Variants in TNFSF4 observed in about 807,000 individuals in gnomAD.
The protein encoded by TNFSF4 is tumor necrosis factor ligand superfamily member 4.
A neutral mutation model predicts 7.3 loss-of-function variants in TNFSF4; 4 were observed. The ratio of observed to expected loss-of-function variants is 0.55; its 90% CI spans 0.27 to 1.25. The LOEUF is 1.25. Ranked by LOEUF, TNFSF4 falls within the 50% of genes most tolerant of loss-of-function variation. The probability of loss-of-function intolerance (pLI) is 0.12; values close to 1 mark genes in which losing one functional copy is unlikely to be tolerated. For synonymous variants in TNFSF4, 76 were observed against 83.7 expected, an observed-to-expected ratio of 0.91 and a Z score of 0.50; for missense variants, 181 against 208.8, an observed-to-expected ratio of 0.87 and a Z score of 0.82.
chr1:173,189,556 G>A (rs1649385141), intron 1 of TNFSF4, among the ~76,000 whole-genome samples: 2 of 152,070 alleles, frequency 1.3e-5, no homozygotes, highest in African/African-American at 4.8e-5. Context: ...GTGAAGACAG[G>A]AAACCTGATA....
chr1:173,394,852 G>A, the TNFSF4 span, among the ~76,000 whole-genome samples: 1 of 151,902 alleles, frequency 6.6e-6, no homozygotes, highest in African/African-American at 2.4e-5. Flanking sequence ...CAGATCATGG[G>A]ACTACTCACC....
At chr1:173,324,122 G>T in the TNFSF4 span, among the ~76,000 whole-genome samples, 1 of 152,140 alleles carries the variant, frequency 6.6e-6, no homozygotes, top group Non-Finnish European at 1.5e-5. Context: ...GAAAGGTCGG[G>T]TTACTCACAA....
At chr1:173,266,499 T>G in the TNFSF4 span, among the ~76,000 whole-genome samples, 1 of 152,130 alleles carries the variant, frequency 6.6e-6, no homozygotes, top group African/African-American at 2.4e-5. Flanking sequence ...ACGTACTCTA[T>G]TGTCACTATT....
downstream of TNFSF4, chr1:173,183,648 C>G (rs967728140): frequency 6.6e-6 from 1 of 152,222 alleles, no homozygotes; most frequent in African/African-American, 2.4e-5. Context: ...GGAAAGCTTG[C>G]CCCGTCCTCC....
chr1:173,279,801 G>A, the TNFSF4 span, among the ~76,000 whole-genome samples: 59 of 152,044 alleles, frequency 3.9e-4, no homozygotes, highest in Middle Eastern at 3.4e-3. Context: ...AGGTTTCCCG[G>A]AGTCTTCTTT....
At chr1:173,408,595 T>C in the TNFSF4 span, among the ~76,000 whole-genome samples, 1 of 151,930 alleles carries the variant, frequency 6.6e-6, no homozygotes, top group Admixed American at 6.6e-5. Flanking sequence ...AGAATGGAGT[T>C]GTTTTTTTTT....
At chr1:173,182,499 G>A (rs555128178), downstream of TNFSF4, among the ~76,000 whole-genome samples, 11 of 152,226 alleles carry the variant, frequency 7.2e-5, no homozygotes, top group East Asian at 1.9e-4. Flanking sequence ...AGCTGCATGC[G>A]TTTAGACAAG....
chr1:173,384,393 C>T, the TNFSF4 span, among the ~76,000 whole-genome samples: 1 of 152,144 alleles, frequency 6.6e-6, no homozygotes, highest in Non-Finnish European at 1.5e-5. Flanking sequence ...TGGGGGAGAA[C>T]AAAGGTTGTT....
At chr1:173,366,108 C>A in the TNFSF4 span, among the ~76,000 whole-genome samples, 2 of 152,052 alleles carry the variant, frequency 1.3e-5, no homozygotes, top group African/African-American at 4.8e-5. Flanking sequence ...CCATGTGATC[C>A]AGGAATCCAA....
the TNFSF4 span, among the ~76,000 whole-genome samples, chr1:173,178,627 A>T: frequency 6.6e-6 from 1 of 152,196 alleles, no homozygotes; most frequent in South Asian, 2.1e-4. Context: ...GTTTTGCTGG[A>T]TATAAAATTC....
At chr1:173,225,402 T>C in the TNFSF4 span, among the ~76,000 whole-genome samples, 1 of 152,348 alleles carries the variant, frequency 6.6e-6, no homozygotes, top group Non-Finnish European at 1.5e-5. Context: ...GATCATTAAC[T>C]TTCTTCTCCT....
chr1:173,418,552 G>GA, the TNFSF4 span: 1 of 152,008 alleles, frequency 6.6e-6, no homozygotes, highest in African/African-American at 2.4e-5. Flanking sequence ...CAGCTGTAAG[G>GA]AATCTGGCGA....
chr1:173,331,392 G>A, the TNFSF4 span, among the ~76,000 whole-genome samples: 4 of 152,134 alleles, frequency 2.6e-5, no homozygotes, highest in Non-Finnish European at 4.4e-5. Flanking sequence ...TCACAATGAC[G>A]CATCTTCAAG....
the TNFSF4 span, among the ~76,000 whole-genome samples, chr1:173,376,835 C>T: frequency 6.6e-6 from 1 of 152,198 alleles, no homozygotes; most frequent in Non-Finnish European, 1.5e-5. Flanking sequence ...ATCTTTGGGT[C>T]CACACTACCT....
At chr1:173,449,162 G>A in the TNFSF4 span, among the ~76,000 whole-genome samples, 1 of 152,068 alleles carries the variant, frequency 6.6e-6, no homozygotes, top group East Asian at 1.9e-4. Flanking sequence ...CCCTACTCCT[G>A]CTCCTGCTCT....
chr1:173,341,074 A>G, the TNFSF4 span, among the ~76,000 whole-genome samples: 1 of 152,086 alleles, frequency 6.6e-6, no homozygotes, highest in Non-Finnish European at 1.5e-5. Flanking sequence ...TGCTGCAGCC[A>G]TGTGAAGAAG....
the TNFSF4 span, among the ~76,000 whole-genome samples, chr1:173,273,436 A>T: frequency 6.6e-6 from 1 of 152,140 alleles, no homozygotes; most frequent in Non-Finnish European, 1.5e-5. Context: ...AAAATTTTTG[A>T]AATAGTTTTC....
chr1:173,321,532 T>A, the TNFSF4 span, among the ~76,000 whole-genome samples: 1 of 151,904 alleles, frequency 6.6e-6, no homozygotes, highest in African/African-American at 2.4e-5. Flanking sequence ...ATCATCAGAA[T>A]GAACAGGCAA....
chr1:173,418,673 G>A, the TNFSF4 span: 1 of 151,624 alleles, frequency 6.6e-6, no homozygotes, highest in South Asian at 2.1e-4. Flanking sequence ...AGTCCAAAAT[G>A]AGAAGCCAGA....
Sources: gnomAD v4.1 joint callset for allele counts (sites outside exome capture counted in the v4.1 genomes callset) on GRCh38, gnomAD v4.1.1 for gene constraint, MANE v1.5 for transcripts, NCBI Gene and HGNC (gene_info 2026-07-23, HGNC 2026-07-21) for gene names.